PNPLA6: variants seen among roughly 807,000 people sequenced by gnomAD.
PNPLA6 encodes patatin like domain 6, lysophospholipase, also known as patatin-like phospholipase domain-containing protein 6.
PNPLA6 carries 105 observed loss-of-function variants against 153.7 expected under a neutral mutation model. The ratio of observed to expected loss-of-function variants is 0.68; its 90% CI spans 0.58 to 0.80. PNPLA6 has a LOEUF of 0.80. Among genes scored for constraint, PNPLA6 ranks in the 30% least tolerant of loss-of-function variants. PNPLA6 has a pLI of 0.00. For missense variants in PNPLA6, 1,423 were observed against 1,919.3 expected (o/e 0.74, Z 4.83); for synonymous variants, 825 against 822.2 (o/e 1.00, Z -0.06).
chr19:7,541,659 C>A lies in PNPLA6; in HGVS notation c.1143C>A (p.Thr381=), dbSNP rs763107646. 6.3e-7 allele frequency: 1 copy of A among 1,576,670 alleles called. No homozygotes were observed. The change falls in exon 9 of 32, where the codon ACC becomes ACA. Residue 381 remains threonine (T), a synonymous_variant. Transcript: ENST00000600737. The surrounding 1 kb of genome is among the most constrained non-coding windows in gnomAD (Gnocchi z 5.2). ...RETPGRPPDP[T]GAPLPGPTGD... Reference sequence around the variant, plus strand: ...CCCCAGGGCGGCCACCCGATCCCACCGGGGCCCCGCTGCCTGGACCTACAG... The same window carrying A: ...CCCCAGGGCGGCCACCCGATCCCACAGGGGCCCCGCTGCCTGGACCTACAG...
rs599328 is a variant in PNPLA6 at position 7,554,761 on chromosome 19, G to C, written c.2634+38G>C. The C allele has an allele frequency of 0.78, 1,257,046 of 1,603,718 alleles. 494,468 individuals are homozygous for C. The highest frequency in any genetic ancestry group is 0.87 in the Admixed American group (52,240 of 59,818). ...TGCCCCCTGATCTCACCCACCTCGGGTCCCGTCCTTTGCCCTCCCGTGCCT... is the reference window on the plus strand; with the variant it reads ...TGCCCCCTGATCTCACCCACCTCGGCTCCCGTCCTTTGCCCTCCCGTGCCT... On this transcript the variant is annotated intron_variant, in intron 21 of 31. Transcript: ENST00000600737.
Position 7,554,012 on chromosome 19 carries a change from A to G in PNPLA6, c.2398A>G (p.Ile800Val), listed in dbSNP as rs985591537. Residue 800 changes from isoleucine (I) to valine (V), a missense_variant, in exon 19 of 32, where the codon ATC becomes GTC. Transcript: ENST00000600737. ...GGAGCTGCAGCACGCCCTGCAGGCC[A>G]TCGGTCAGTGGGGTGAGGGTCATGG... ...TLELQHALQA[I>V]GPTLLLNSDI... 2.7e-6 allele frequency: 4 copies of G among 1,456,830 alleles called. No homozygotes were observed. Among genetic ancestry groups the G allele is most frequent in the Non-Finnish European group, 3.7e-6 (4 of 1,079,996 alleles). 90.2% of individuals were successfully genotyped at this position (1,456,830 alleles called of 1,614,324 possible).
At position 7,542,764 on chromosome 19, in the gene PNPLA6, C is replaced by T. The variant is rs1266155380; in HGVS notation, c.1366C>T (p.Pro456Ser). The change falls in exon 12 of 32, where the codon CCC becomes TCC. Residue 456 changes from proline to serine, a missense_variant. Transcript: ENST00000600737. ...GTCACAAGCCTGCCCCACTCAGACC[C>T]CCACTCAGGAGCCTCGTGAGCAGCC... ...GGSLAAPART[P>S]TQEPREQPAG... 5 of 1,612,874 alleles carry T rather than the reference C, an allele frequency of 3.1e-6. No homozygotes were observed. The highest frequency in any genetic ancestry group is 1.3e-5 in the African/African-American group (1 of 74,928).
chr19:7,540,764 G>A lies in PNPLA6; in HGVS notation c.795+54G>A. The A allele has an allele frequency of 6.5e-7, 1 of 1,550,342 alleles. No individual in the cohort carries two copies. On this transcript the variant is annotated intron_variant, in intron 6 of 31. Coordinates refer to ENST00000600737, the MANE Select transcript of PNPLA6 (RefSeq NM_001166114.2). The surrounding 1 kb of genome is among the most constrained non-coding windows in gnomAD (Gnocchi z 6.8). The stretch of plus-strand genomic sequence containing the variant: ...GCTGGGGTGCAAGGTCCCACCCAAG[G>A]GACTAGGTTGAAGGAAATCACAGGG...
chr19:7,536,670 T>A, intron 3 of PNPLA6, 124 bp downstream of exon 3: 1 of 737,256 alleles, frequency 1.4e-6, no homozygotes, highest in Non-Finnish European at 2.4e-6. Flanking sequence ...CTCATGCCTG[T>A]AATTCCCAGC....
At position 7,541,766 on chromosome 19, in the gene PNPLA6, T is replaced by C. The variant is rs2023154837; in HGVS notation, c.1168+82T>C. The C allele has an allele frequency of 2.1e-6, 3 of 1,453,918 alleles. No individual in the cohort carries two copies. The highest frequency in any genetic ancestry group is 1.8e-4 in the Middle Eastern group (1 of 5,546). The allele number at this position is 1,453,918 out of a possible 1,614,324, so 90.1% of individuals were successfully genotyped here. On this transcript the variant is annotated intron_variant, in intron 9 of 31. Coordinates refer to ENST00000600737, the MANE Select transcript of PNPLA6 (RefSeq NM_001166114.2). The surrounding 1 kb of genome is among the most constrained non-coding windows in gnomAD (Gnocchi z 5.2). ...CGCCAGCCCCTTTTTCAGTTCTGCA[T>C]AGAGTCAACCTGACCTTGTCCAGCC...
In PNPLA6 at chr19:7,561,687, G is replaced by T; in HGVS notation, c.*125G>T. 1 of 728,326 alleles carries T rather than the reference G, an allele frequency of 1.4e-6. No individual in the cohort carries two copies. The highest frequency in any genetic ancestry group is 1.5e-5 in the South Asian group (1 of 67,656). The allele number at this position is 728,326 out of a possible 1,614,324, so 45.1% of individuals were successfully genotyped here. A position where few individuals can be genotyped will look rare whatever the true frequency, so the allele number is the denominator to read the frequency against. On this transcript the variant is annotated 3_prime_UTR_variant, in exon 32 of 32. Transcript: ENST00000600737. ...ACCCCCGCGGCCCACACACTGGACTGACCTGCCCTGAGCGGGGATGCAGTG... is the reference window on the plus strand; with the variant it reads ...ACCCCCGCGGCCCACACACTGGACTTACCTGCCCTGAGCGGGGATGCAGTG...
chr19:7,560,669 A>C lies in PNPLA6; in HGVS notation c.3721A>C (p.Lys1241Gln). 6 of 1,613,350 alleles carry C rather than the reference A, an allele frequency of 3.7e-6. No homozygotes were observed. The highest frequency in any genetic ancestry group is 5.1e-6 in the Non-Finnish European group (6 of 1,179,338). The change falls in exon 29 of 32, where the codon AAG (lysine) becomes CAG (glutamine). Residue 1241 changes from lysine to glutamine, a missense_variant. Transcript: ENST00000600737. Reference protein sequence around the residue: ...QIYDVGYQYGKAVFGGWSRGN... With the variant: ...QIYDVGYQYGQAVFGGWSRGN... Reference sequence around the variant, plus strand: ...ACAGGATGTGGGCTACCAGTACGGGAAGGCGGTGTTTGGAGGCTGGAGCCG... The same window carrying C: ...ACAGGATGTGGGCTACCAGTACGGGCAGGCGGTGTTTGGAGGCTGGAGCCG...
intron 18 of PNPLA6, among the ~76,000 whole-genome samples, chr19:7,552,480 G>A (rs2023692180): frequency 6.6e-6 from 1 of 152,126 alleles, no homozygotes; most frequent in Non-Finnish European, 1.5e-5. Flanking sequence ...CAGAGGCCTG[G>A]GGCGGTGGGT....
chr19:7,535,433 G>A (rs1210985877), upstream of PNPLA6: 2 of 1,070,094 alleles, frequency 1.9e-6, no homozygotes, highest in Non-Finnish European at 1.4e-6. This position sits in a 1 kb window ranked among gnomAD's most constrained non-coding sequence, Gnocchi z 5.0. Flanking sequence ...TGAGCTGGGG[G>A]CAGGGCTTGA....
rs1489036177 is a variant in PNPLA6, at chr19:7,541,325, CT to C, written c.925-27del. On this transcript the variant is annotated intron_variant, in intron 7 of 31. Coordinates refer to ENST00000600737, the MANE Select transcript of PNPLA6 (RefSeq NM_001166114.2). The surrounding 1 kb of genome is among the most constrained non-coding windows in gnomAD (Gnocchi z 5.2). ...GGCCCTGCCCCTTACCCCGCCCCAT[CT>C]TATGGCCACGCCCCTCGAGCCCTGC... 8 of 1,603,520 alleles carry C rather than the reference CT, an allele frequency of 5.0e-6. No individual in the cohort carries two copies. Among genetic ancestry groups the C allele is most frequent in the East Asian group, 2.2e-5 (1 of 44,742 alleles).
At chr19:7,550,694 A>T (rs2023604486) in intron 16 of PNPLA6, 54 bp downstream of exon 16, 1 of 1,599,826 alleles carries the variant, frequency 6.3e-7, no homozygotes, top group Admixed American at 1.7e-5. Flanking sequence ...CAGTCCCTCG[A>T]CAACTCACAC....
intron 31 of PNPLA6, 31 bp downstream of exon 31, chr19:7,561,348 A>G (rs1423180374): frequency 6.6e-7 from 1 of 1,519,660 alleles, no homozygotes; most frequent in Non-Finnish European, 9.0e-7. Context: ...GTCCCCTCAC[A>G]TCCCCCAGAG....
chr19:7,560,188 T>G (rs74176242), intron 28 of PNPLA6, among the ~76,000 whole-genome samples: 26,138 of 151,934 alleles, frequency 0.17, 2,756 homozygotes, highest in East Asian at 0.41. Context: ...TAATAAAAAT[T>G]TTTTTAAAAA....
rs372017403 is a variant in PNPLA6, at chr19:7,540,613, G to A, written c.715-17G>A. On this transcript the variant is annotated splice_polypyrimidine_tract_variant and intron_variant, in intron 5 of 31. Transcript: ENST00000600737. This position sits in a 1 kb window ranked among gnomAD's most constrained non-coding sequence, Gnocchi z 6.8. ...CAGGGCGAGGCCACTGAGGGTCCAC[G>A]GTCTCCTGTGTCTCAGGACGGGAAG... is the stretch of plus-strand genomic sequence containing the variant. 8 of 1,603,686 alleles carry A rather than the reference G, an allele frequency of 5.0e-6. No individual in the cohort carries two copies. The highest frequency in any genetic ancestry group is 2.7e-5 in the African/African-American group (2 of 74,822).
Position 7,557,783 on chromosome 19 carries a change from C to CCAAAAA in PNPLA6, c.3397+499_3397+500insCAAAAA, listed in dbSNP as rs773767930. The stretch of plus-strand genomic sequence containing the variant: ...TGGGCGACAGAGCAAGACTCAGTCT[C>CCAAAAA]AAAAAAAAAAAAAAAGAAAGAAAGA... On this transcript the variant is annotated intron_variant, in intron 27 of 31. Transcript: ENST00000600737. 3.6e-4 allele frequency among the ~76,000 whole-genome samples: 40 copies of CCAAAAA among 110,354 alleles called. 2 individuals are homozygous for CCAAAAA. Among genetic ancestry groups the CCAAAAA allele is most frequent in the Admixed American group, 7.2e-4 (8 of 11,040 alleles). 72.4% of individuals were successfully genotyped at this position (110,354 alleles called of 152,430 possible).
At chr19:7,536,298 G>C in intron 2 of PNPLA6, 25 bp downstream of exon 2, 1 of 1,569,490 alleles carries the variant, frequency 6.4e-7, no homozygotes, top group South Asian at 1.1e-5. Context: ...CCTGGGGTCC[G>C]CCCTGACCAC....
At chr19:7,551,592 T>C (rs1027113263) in intron 18 of PNPLA6, among the ~76,000 whole-genome samples, 155 bp downstream of exon 18, 8 of 152,044 alleles carry the variant, frequency 5.3e-5, no homozygotes, top group Non-Finnish European at 1.0e-4. Flanking sequence ...AGGACCCAGG[T>C]GCAGAGCATT....
At chr19:7,548,573 T>A (rs1480174832) in intron 13 of PNPLA6, among the ~76,000 whole-genome samples, 3 of 152,174 alleles carry the variant, frequency 2.0e-5, no homozygotes, top group Admixed American at 1.3e-4. Flanking sequence ...GTAAATGCTA[T>A]GTAAATAGTC....
Sources: gnomAD v4.1 joint callset for allele counts (sites outside exome capture counted in the v4.1 genomes callset) on GRCh38, gnomAD v4.1.1 for gene constraint, Gnocchi (gnomAD v3.1) non-coding constraint, MANE v1.5 for transcripts, NCBI Gene and HGNC (gene_info 2026-07-23, HGNC 2026-07-21) for gene names.